EHBP1: variants seen among roughly 807,000 people sequenced by gnomAD.
EHBP1 encodes the protein EH domain binding protein 1.
EHBP1 carries 55 observed loss-of-function variants against 144.0 expected under a neutral mutation model. That is an observed-to-expected ratio of 0.38 (90% CI 0.31 to 0.48). The LOEUF (loss-of-function observed/expected upper bound fraction) is 0.48, where lower values mean the gene tolerates loss of function less well. Ranked by LOEUF, EHBP1 falls within the 20% of genes least tolerant of loss-of-function variation. The probability of loss-of-function intolerance (pLI) is 0.98; values close to 1 mark genes in which losing one functional copy is unlikely to be tolerated. For synonymous variants in EHBP1, 469 were observed against 472.7 expected (o/e 0.99, Z 0.10); for missense variants, 1,200 against 1,364.2 (o/e 0.88, Z 1.90).
intron 10 of EHBP1, among the ~76,000 whole-genome samples, chr2:62,924,144 C>A (rs1235424246): frequency 6.6e-6 from 1 of 152,160 alleles, no homozygotes; most frequent in African/African-American, 2.4e-5. Context: ...AGAAACAGCC[C>A]CACAGGCAAC....
intron 3 of EHBP1, among the ~76,000 whole-genome samples, chr2:62,750,668 G>T (rs2039606797): frequency 1.3e-5 from 2 of 152,136 alleles, no homozygotes; most frequent in African/African-American, 4.8e-5. Flanking sequence ...CTGAGCAGTG[G>T]TTTGTAGTTC....
chr2:62,980,091 G>C (rs747284836), intron 15 of EHBP1, among the ~76,000 whole-genome samples: 1 of 152,160 alleles, frequency 6.6e-6, no homozygotes, highest in Non-Finnish European at 1.5e-5. Flanking sequence ...ACTCTGAAGA[G>C]TAGGCAAGTG....
intron 5 of EHBP1, among the ~76,000 whole-genome samples, chr2:62,822,810 A>G (rs754063515): frequency 2.0e-5 from 3 of 152,204 alleles, no homozygotes; most frequent in Admixed American, 1.3e-4. Flanking sequence ...AGATTAACCA[A>G]TGAATAAGTG....
intron 19 of EHBP1, among the ~76,000 whole-genome samples, chr2:63,010,880 A>G (rs1159811499): frequency 6.6e-6 from 1 of 151,774 alleles, no homozygotes; most frequent in Non-Finnish European, 1.5e-5. Flanking sequence ...TTAAGTACAC[A>G]ACCCCAATTT....
At chr2:62,898,520 G>A (rs148979610) in intron 10 of EHBP1, among the ~76,000 whole-genome samples, 1 of 152,154 alleles carries the variant, frequency 6.6e-6, no homozygotes, top group African/African-American at 2.4e-5. Context: ...TAACAACTCA[G>A]TCCCTCATTT....
intron 5 of EHBP1, among the ~76,000 whole-genome samples, chr2:62,816,679 A>C (rs2045474363): frequency 6.6e-6 from 1 of 152,158 alleles, no homozygotes; most frequent in African/African-American, 2.4e-5. Context: ...CTGTGTATGG[A>C]GTTGTCATGG....
chr2:62,836,469 G>A (rs1284538779), intron 7 of EHBP1, among the ~76,000 whole-genome samples: 6 of 140,922 alleles, frequency 4.3e-5, no homozygotes, highest in Non-Finnish European at 9.2e-5. Context: ...TTCCTCACCA[G>A]CAACGGAACA....
chr2:62,785,745 T>C (rs1303910967), intron 5 of EHBP1, among the ~76,000 whole-genome samples: 1 of 152,240 alleles, frequency 6.6e-6, no homozygotes, highest in Non-Finnish European at 1.5e-5. Context: ...TTTTCTTACA[T>C]TGGTTTCTAG....
rs1239939109 is a variant in EHBP1 at position 62,876,927 on chromosome 2, G to A, written c.1185+2395G>A. 2.6e-5 allele frequency among the ~76,000 whole-genome samples: 4 copies of A among 151,050 alleles called. No individual in the cohort carries two copies. The East Asian group carries it at 5.9e-4, about 22-fold the overall frequency. ...CCATATCAACCATGGACACTATAAA[G>A]CATCTACACAATCAAATCTATATAA... is the stretch of plus-strand genomic sequence containing the variant. On this transcript the variant is annotated intron_variant, in intron 10 of 22. Coordinates refer to ENST00000431489, the MANE Select transcript of EHBP1 (RefSeq NM_001142616.3).
intron 2 of EHBP1, among the ~76,000 whole-genome samples, chr2:62,723,920 A>G (rs2036481066): frequency 6.6e-6 from 1 of 152,054 alleles, no homozygotes; most frequent in African/African-American, 2.4e-5. Flanking sequence ...CTTTCATTTC[A>G]ACCTTGGGGA....
chr2:62,879,537 A>G (rs914439110), intron 10 of EHBP1, among the ~76,000 whole-genome samples: 1 of 147,054 alleles, frequency 6.8e-6, no homozygotes, highest in Non-Finnish European at 1.5e-5. Flanking sequence ...ACACAGTCCT[A>G]TTCACAATAA....
chr2:62,997,572 C>T (rs1043683339), intron 19 of EHBP1, among the ~76,000 whole-genome samples: 10 of 151,308 alleles, frequency 6.6e-5, no homozygotes, highest in Non-Finnish European at 2.9e-5. Context: ...TCAAAAAATA[C>T]AAGTGGAAAA....
At chr2:62,684,278 A>T (rs1404227736) in intron 1 of EHBP1, among the ~76,000 whole-genome samples, 1 of 152,030 alleles carries the variant, frequency 6.6e-6, no homozygotes, top group African/African-American at 2.4e-5. Context: ...AATAAGTATC[A>T]AAGAGAGGTA....
intron 10 of EHBP1, among the ~76,000 whole-genome samples, chr2:62,917,041 A>G (rs1018198673): frequency 5.9e-5 from 9 of 152,138 alleles, no homozygotes; most frequent in Non-Finnish European, 1.2e-4. Flanking sequence ...TTTTGTCATT[A>G]TATGAACATC....
At chr2:63,043,161 T>G (rs1256126932) in intron 21 of EHBP1, among the ~76,000 whole-genome samples, 3 of 152,192 alleles carry the variant, frequency 2.0e-5, no homozygotes, top group Non-Finnish European at 4.4e-5. Context: ...GAGAGCCTAT[T>G]AATTTACCTG....
intron 10 of EHBP1, among the ~76,000 whole-genome samples, chr2:62,929,826 C>T (rs1245965528): frequency 6.6e-6 from 1 of 151,070 alleles, no homozygotes; most frequent in Non-Finnish European, 1.5e-5. Context: ...TATAAAGATT[C>T]TACAAAAAAA....
At chr2:62,906,198 G>T (rs1045481311) in intron 10 of EHBP1, among the ~76,000 whole-genome samples, 4 of 150,008 alleles carry the variant, frequency 2.7e-5, no homozygotes, top group Non-Finnish European at 4.4e-5. Flanking sequence ...TTCCAGCACT[G>T]CATGTTGAAC....
At chr2:62,821,766 A>G (rs1186859329) in intron 5 of EHBP1, among the ~76,000 whole-genome samples, 1 of 152,186 alleles carries the variant, frequency 6.6e-6, no homozygotes, top group East Asian at 1.9e-4. Context: ...ATTATGTTTT[A>G]TACCGTGTTC....
At chr2:62,950,919 A>G (rs2057341562) in intron 13 of EHBP1, among the ~76,000 whole-genome samples, 1 of 152,182 alleles carries the variant, frequency 6.6e-6, no homozygotes, top group South Asian at 2.1e-4. Flanking sequence ...TCCTGACCTC[A>G]GGTGATCCAC....
Sources: allele counts gnomAD v4.1 joint callset (sites outside exome capture counted in the v4.1 genomes callset), GRCh38; gene constraint gnomAD v4.1.1; transcripts MANE v1.5; gene names NCBI Gene and HGNC (gene_info 2026-07-23, HGNC 2026-07-21).